Variants in MBIP observed in about 807,000 individuals in gnomAD.
The protein encoded by MBIP is MAP3K12-binding inhibitory protein 1.
Under a neutral mutation model 45.7 loss-of-function variants are expected in MBIP, and 32 were observed. The observed-to-expected ratio is 0.70, with a 90% CI of 0.53 to 0.94. MBIP has a LOEUF of 0.94. Among genes scored for constraint, MBIP ranks in the 40% least tolerant of loss-of-function variants. The pLI, the probability that MBIP is intolerant of heterozygous loss-of-function variation, is 0.00. For missense variants in MBIP, 381 were observed against 405.5 expected (o/e 0.94, Z 0.52); for synonymous variants, 145 against 141.0 (o/e 1.03, Z -0.20).
intron 7 of MBIP, among the ~76,000 whole-genome samples, chr14:36,303,121 G>A (rs1242277264): frequency 6.6e-6 from 1 of 152,138 alleles, no homozygotes; most frequent in Non-Finnish European, 1.5e-5. Context: ...TATGATGTTT[G>A]GTAGGTTAGA....
Position 36,311,990 on chromosome 14 carries a change from G to A in MBIP, c.606C>T (p.Thr202=). 1 of 1,593,598 alleles carries A rather than the reference G, an allele frequency of 6.3e-7. No individual in the cohort carries two copies. Among genetic ancestry groups the A allele is most frequent in the Middle Eastern group, 1.7e-4 (1 of 5,994 alleles). Residue 202 remains threonine (T), a synonymous_variant, in exon 5 of 9, where the codon ACC becomes ACT. Transcript: ENST00000416007. ...CGTGACTTTTAAATCCGGGGTAAGG[G>A]GTAAAAATCGCATCAGTTCTTGCAC... The part of the protein sequence containing the change: ...NSCARTDAIF[T]PYPGFKSHVK...
rs116336360 is a variant in MBIP at position 36,303,288 on chromosome 14, C to T, written c.889-2465G>A. Among the ~76,000 whole-genome samples, 652 of 152,242 alleles carry T rather than the reference C, an allele frequency of 4.3e-3. 4 individuals carry two copies. The highest frequency in any genetic ancestry group is 0.015 in the African/African-American group (622 of 41,550). On this transcript the variant is annotated intron_variant, in intron 7 of 8. Coordinates refer to ENST00000416007, the MANE Select transcript of MBIP (RefSeq NM_016586.3). ...AGAGCACAGCACACTAAAGAAAGAG[C>T]TGGAGAAAGGTAATGCAAAATTGTC... is the stretch of plus-strand genomic sequence containing the variant.
chr14:36,308,311 A>G, intron 6 of MBIP, 122 bp from the exon 7 acceptor site: 1 of 588,974 alleles, frequency 1.7e-6, no homozygotes, highest in South Asian at 2.3e-5. Context: ...TAAGAAAATA[A>G]AAAACAAAAG....
intron 8 of MBIP, among the ~76,000 whole-genome samples, 196 bp downstream of exon 8, chr14:36,300,589 A>C (rs1879481914): frequency 6.6e-6 from 1 of 152,210 alleles, no homozygotes; most frequent in African/African-American, 2.4e-5. Context: ...TTATTTATTT[A>C]ACCTATCTGA....
Position 36,300,830 on chromosome 14 carries a change from T to TAA in MBIP, c.889-9_889-8dup. On this transcript the variant is annotated splice_polypyrimidine_tract_variant and splice_region_variant and intron_variant, in intron 7 of 8. Coordinates refer to ENST00000416007, the MANE Select transcript of MBIP (RefSeq NM_016586.3). ...TTCTTTTTCCAGAAAAGCTCTAGAT[T>TAA]AAAAAAAAAAAGGTAATGTTTAGAA... 7.1e-5 allele frequency: 87 copies of TAA among 1,218,362 alleles called. No individual in the cohort carries two copies. Among genetic ancestry groups the TAA allele is most frequent in the South Asian group, 1.1e-4 (7 of 64,316 alleles). 75.5% of individuals were successfully genotyped at this position (1,218,362 alleles called of 1,614,324 possible). A position where few individuals can be genotyped will look rare whatever the true frequency, so the allele number is the denominator to read the frequency against.
intron 8 of MBIP, among the ~76,000 whole-genome samples, chr14:36,300,024 A>C (rs780399316): frequency 2.0e-5 from 3 of 152,178 alleles, no homozygotes; most frequent in Non-Finnish European, 4.4e-5. Context: ...GAATATACTA[A>C]TAGCCACTTT....
intron 7 of MBIP, 108 bp downstream of exon 7, chr14:36,307,984 A>T (rs1216760357): frequency 6.6e-6 from 4 of 605,726 alleles, no homozygotes; most frequent in Non-Finnish European, 1.2e-5. Context: ...TCATCTTTGA[A>T]TTATTAAAAT....
chr14:36,300,728 A>C, intron 8 of MBIP, 57 bp downstream of exon 8: 2 of 1,270,074 alleles, frequency 1.6e-6, no homozygotes, highest in Non-Finnish European at 1.1e-6. Flanking sequence ...ATTAATAAGA[A>C]AGGTATAAAA....
intron 1 of MBIP, among the ~76,000 whole-genome samples, chr14:36,317,819 C>A (rs1008785280): frequency 6.6e-6 from 1 of 151,816 alleles, no homozygotes; most frequent in African/African-American, 2.4e-5. Context: ...AAAGGTGTTA[C>A]GTGAGTTCAA....
At chr14:36,310,207 C>CT (rs1277383798) in intron 6 of MBIP, among the ~76,000 whole-genome samples, 1 of 152,184 alleles carries the variant, frequency 6.6e-6, no homozygotes. Context: ...ATGCCAGTGT[C>CT]TTATTACTCT....
chr14:36,303,503 A>G lies in MBIP; in HGVS notation c.889-2680T>C, dbSNP rs1594508042. Reference sequence around the variant, plus strand: ...GCTCCTAGCATATAAACCTTATGGCATGTTTCTGTATTGAATACTGTAGGC... The same window carrying G: ...GCTCCTAGCATATAAACCTTATGGCGTGTTTCTGTATTGAATACTGTAGGC... On this transcript the variant is annotated intron_variant, in intron 7 of 8. Transcript: ENST00000416007. Among the ~76,000 whole-genome samples the G allele has an allele frequency of 2.0e-5, 3 of 152,220 alleles. No homozygotes were observed. The East Asian group carries it at 5.8e-4, about 29-fold the overall frequency.
In MBIP at chr14:36,311,629, T is replaced by TA. The variant is rs1160137325; in HGVS notation, c.733_734insT (p.Asn245IlefsTer12). The TA allele has an allele frequency of 1.9e-6, 3 of 1,613,604 alleles. No homozygotes were observed. Among genetic ancestry groups the TA allele is most frequent in the Non-Finnish European group, 2.5e-6 (3 of 1,179,640 alleles). On this transcript the variant is annotated frameshift_variant, in exon 6 of 9. Coordinates refer to ENST00000416007, the MANE Select transcript of MBIP (RefSeq NM_016586.3). LOFTEE classifies it high-confidence loss of function. ...TTGTAGTCGTTCTTCTACAGCCTGATTACCACAGTCTCGAAGCATGCTGTT... is the reference window on the plus strand; with the variant it reads ...TTGTAGTCGTTCTTCTACAGCCTGATATACCACAGTCTCGAAGCATGCTGTT...
chr14:36,300,669 C>T, intron 8 of MBIP, 116 bp downstream of exon 8: 1 of 690,162 alleles, frequency 1.4e-6, no homozygotes, highest in South Asian at 2.4e-5. Flanking sequence ...TTCTTCAGTC[C>T]TAAATTTTAC....
In MBIP at chr14:36,311,553, C is replaced by G. The variant is rs1566552230; in HGVS notation, c.790+20G>C. The G allele has an allele frequency of 2.5e-6, 4 of 1,573,756 alleles. No individual in the cohort carries two copies. Among genetic ancestry groups the G allele is most frequent in the Non-Finnish European group, 3.5e-6 (4 of 1,157,318 alleles). On this transcript the variant is annotated intron_variant, in intron 6 of 8. Transcript: ENST00000416007. ...ATTTGCAAAGGTTCATTATGAGGTG[C>G]CACTTAGCACTTTGCTTACCTGTCT...
rs374491724 is a variant in MBIP at position 36,302,198 on chromosome 14, T to C, written c.889-1375A>G. On this transcript the variant is annotated intron_variant, in intron 7 of 8. Transcript: ENST00000416007. ...TGGCTTTTTATACACTTGATGCAAA[T>C]ATAATTGCCCTTGGCCAGGCGTGGT... Among the ~76,000 whole-genome samples the C allele has an allele frequency of 1.6e-4, 24 of 152,214 alleles. 1 individual carries two copies. The South Asian group carries it at 4.3e-3, about 28-fold the overall frequency.
chr14:36,305,555 C>T (rs1300652537), intron 7 of MBIP, among the ~76,000 whole-genome samples: 1 of 152,104 alleles, frequency 6.6e-6, no homozygotes, highest in Non-Finnish European at 1.5e-5. Flanking sequence ...TTTACATTTA[C>T]AAATGCTTCC....
rs112723602 is a variant in MBIP at position 36,310,098 on chromosome 14, T to G, written c.790+1475A>C. Among the ~76,000 whole-genome samples the G allele has an allele frequency of 1.5e-3, 233 of 152,338 alleles. 1 individual carries two copies. Among genetic ancestry groups the G allele is most frequent in the Middle Eastern group, 3.4e-3 (1 of 294 alleles). On this transcript the variant is annotated intron_variant, in intron 6 of 8. Coordinates refer to ENST00000416007, the MANE Select transcript of MBIP (RefSeq NM_016586.3). ...ATTCAACAGATATTTTTCCAAAAAC[T>G]TAACTGTTTCATACTATTATTAGAG...
intron 1 of MBIP, 150 bp downstream of exon 1, chr14:36,320,310 G>T (rs1880816128): frequency 9.5e-7 from 1 of 1,050,658 alleles, no homozygotes; most frequent in Non-Finnish European, 1.4e-6. Context: ...GACCGAGGAG[G>T]CTGGGCCCGG....
Position 36,314,843 on chromosome 14 carries a change from C to A in MBIP, c.322G>T (p.Glu108Ter). The change falls in exon 3 of 9, where the codon GAA becomes TAA. Residue 108 changes from glutamate (E) to a stop codon, truncating the protein, a stop_gained. Coordinates refer to ENST00000416007, the MANE Select transcript of MBIP (RefSeq NM_016586.3). LOFTEE classifies it high-confidence loss of function. Reference sequence around the variant, plus strand: ...TTTACTTCATTTTTGTTCCCCATTTCTGTTCTTCCTATCTCTTCAACAGCA... The same window carrying A: ...TTTACTTCATTTTTGTTCCCCATTTATGTTCTTCCTATCTCTTCAACAGCA... ...TTAVEEIGRTEMGNKNEVNDK... is the reference protein window; with the variant it reads ...TTAVEEIGRT 1.2e-6 allele frequency: 2 copies of A among 1,613,512 alleles called. No individual in the cohort carries two copies. Among genetic ancestry groups the A allele is most frequent in the Non-Finnish European group, 1.7e-6 (2 of 1,179,678 alleles).
Sources: allele counts gnomAD v4.1 joint callset (sites outside exome capture counted in the v4.1 genomes callset), GRCh38; gene constraint gnomAD v4.1.1; transcripts MANE v1.5; gene names NCBI Gene and HGNC (gene_info 2026-07-23, HGNC 2026-07-21).